DNAH10: variants seen among roughly 807,000 people sequenced by gnomAD.
DNAH10 encodes the protein axonemal beta dynein heavy chain 10.
In DNAH10, 348 loss-of-function variants were observed where a neutral mutation model predicts 506.6. The ratio of observed to expected loss-of-function variants is 0.69; its 90% confidence interval spans 0.63 to 0.75. The LOEUF (loss-of-function observed/expected upper bound fraction) is 0.75, where lower values mean the gene tolerates loss of function less well. Among genes scored for constraint, DNAH10 ranks in the 30% least tolerant of loss-of-function variants. The pLI is 0.00. For missense variants in DNAH10, 5,179 were observed against 5,787.1 expected (o/e 0.89, Z 3.41); for synonymous variants, 2,059 against 2,198.6 (o/e 0.94, Z 1.78).
rs1221876545 is a variant in DNAH10, at chr12:123,931,713, GT to G, written c.12995del (p.Val4332AlafsTer7). ...AGAAATAGAAAACAAGATGCCCAAA[GT>G]CTTTGACTTGGACCAGGTGAGGAAG... ...AKEIENKMPK[V>X]FDLDQVRKRL... On this transcript the variant is annotated frameshift_variant, in exon 75 of 79. Transcript: ENST00000673944. LOFTEE classifies it high-confidence loss of function. The G allele has an allele frequency of 1.9e-6, 3 of 1,613,934 alleles. No individual in the cohort carries two copies. The highest frequency in any genetic ancestry group is 1.3e-5 in the African/African-American group (1 of 74,938).
chr12:123,837,689 C>G (rs1961312635), intron 28 of DNAH10, among the ~76,000 whole-genome samples: 1 of 151,022 alleles, frequency 6.6e-6, no homozygotes, highest in African/African-American at 2.4e-5. Context: ...TGATCCTCGC[C>G]TTGGCCTCCC....
At chr12:123,921,969 C>G (rs995599237) in intron 65 of DNAH10, among the ~76,000 whole-genome samples, 15 of 152,068 alleles carry the variant, frequency 9.9e-5, no homozygotes, top group African/African-American at 3.6e-4. Context: ...CCCACCCCGG[C>G]CTCCCAAAGT....
At chr12:123,859,314 A>T (rs747896695) in intron 38 of DNAH10, 46 bp downstream of exon 38, 1 of 1,451,300 alleles carries the variant, frequency 6.9e-7, no homozygotes. Context: ...ACAGGGGCTC[A>T]CAGTATATGT....
In DNAH10 at chr12:123,848,786, T is replaced by C; in HGVS notation, c.6006T>C (p.Asp2002=). Residue 2002 remains aspartate, a synonymous_variant, in exon 34 of 79, where the codon GAT becomes GAC. Coordinates refer to ENST00000673944, the MANE Select transcript of DNAH10 (RefSeq NM_001372106.1). ...LAQCGAWGCF[D]EFNRIDASVL... ...AGTGCGGGGCTTGGGGCTGCTTTGATGAGTTTAATCGAATCGATGCTTCTG... is the reference window on the plus strand; with the variant it reads ...AGTGCGGGGCTTGGGGCTGCTTTGACGAGTTTAATCGAATCGATGCTTCTG... 2.5e-6 allele frequency: 4 copies of C among 1,613,416 alleles called. No individual in the cohort carries two copies. Among genetic ancestry groups the C allele is most frequent in the Non-Finnish European group, 3.4e-6 (4 of 1,179,370 alleles).
At chr12:123,870,305 A>G (rs1247272234) in intron 43 of DNAH10, 61 bp from the exon 44 acceptor site, 1 of 1,570,406 alleles carries the variant, frequency 6.4e-7, no homozygotes, top group Non-Finnish European at 8.6e-7. Context: ...AGCATGTGCC[A>G]GAACTGCTTT....
rs891082246 is a variant in DNAH10, at chr12:123,897,772, T to C, written c.9283T>C (p.Tyr3095His). The C allele has an allele frequency of 1.9e-6, 3 of 1,606,354 alleles. No homozygotes were observed. The highest frequency in any genetic ancestry group is 1.3e-5 in the African/African-American group (1 of 74,534). The change falls in exon 55 of 79, where the codon TAT becomes CAT. Residue 3095 changes from tyrosine (Y) to histidine (H), a missense_variant and splice_region_variant. Physicochemically the swap from Tyr to His is moderately conservative, Grantham distance 83 (BLOSUM62 2). Coordinates refer to ENST00000673944, the MANE Select transcript of DNAH10 (RefSeq NM_001372106.1). Reference sequence around the variant, plus strand: ...ATTTTTTATTCCTTCCTCTTCAGGGTATAATCCAATGATCCCGGCAGAAAA... The same window carrying C: ...ATTTTTTATTCCTTCCTCTTCAGGGCATAATCCAATGATCCCGGCAGAAAA... ...LHAVAKSFLG[Y>H]NPMIPAENIE...
rs1336191775 is a variant in DNAH10, at chr12:123,846,401, G to C, written c.5814+247G>C. ...TGGTGTGTCAGGGGTATTGGTAGAGGCCAATGCGAAAATGCAGGAATGTCA... is the reference window on the plus strand; with the variant it reads ...TGGTGTGTCAGGGGTATTGGTAGAGCCCAATGCGAAAATGCAGGAATGTCA... On this transcript the variant is annotated intron_variant, in intron 32 of 78. Transcript: ENST00000673944. The surrounding 1 kb of genome is among the most constrained non-coding windows in gnomAD (Gnocchi z 4.5). Among the ~76,000 whole-genome samples, 1 of 152,180 alleles carries C rather than the reference G, an allele frequency of 6.6e-6. No individual in the cohort carries two copies. The highest frequency in any genetic ancestry group is 2.4e-5 in the African/African-American group (1 of 41,434).
At chr12:123,869,270 C>T (rs1464099152) in intron 43 of DNAH10, among the ~76,000 whole-genome samples, 5 of 152,200 alleles carry the variant, frequency 3.3e-5, no homozygotes, top group Non-Finnish European at 7.3e-5. Context: ...ATACTTGCCC[C>T]TTCCCTGCAT....
intron 52 of DNAH10, among the ~76,000 whole-genome samples, chr12:123,889,132 G>A (rs1054633268): frequency 3.9e-5 from 6 of 152,114 alleles, no homozygotes; most frequent in African/African-American, 7.2e-5. Context: ...GCTCTGCCAT[G>A]CGTGTAAACA....
At chr12:123,851,315 G>A (rs1297162810) in intron 35 of DNAH10, among the ~76,000 whole-genome samples, 1 of 151,046 alleles carries the variant, frequency 6.6e-6, no homozygotes, top group Non-Finnish European at 1.5e-5. Context: ...GACCTAGGAT[G>A]TGTTAGCTCC....
Position 123,931,419 on chromosome 12 carries a change from C to A in DNAH10, c.12863C>A (p.Thr4288Lys), listed in dbSNP as rs1438700146. Reference protein sequence around the residue: ...LHPNAEIGYYTQAARDMWAHL... With the variant: ...LHPNAEIGYYKQAARDMWAHL... The stretch of plus-strand genomic sequence containing the variant: ...CCCAACGCTGAGATTGGCTATTACA[C>A]GCAGGCGGCTCGAGACATGTGGGCT... The change falls in exon 74 of 79, where the codon ACG (threonine) becomes AAG (lysine). Residue 4288 changes from threonine to lysine, a missense_variant. Coordinates refer to ENST00000673944, the MANE Select transcript of DNAH10 (RefSeq NM_001372106.1). The A allele has an allele frequency of 6.2e-7, 1 of 1,613,998 alleles. No homozygotes were observed. Among genetic ancestry groups the A allele is most frequent in the Non-Finnish European group, 8.5e-7 (1 of 1,179,896 alleles).
At chr12:123,842,939 A>G (rs891118514) in intron 30 of DNAH10, among the ~76,000 whole-genome samples, 1 of 152,254 alleles carries the variant, frequency 6.6e-6, no homozygotes, top group Non-Finnish European at 1.5e-5. Context: ...GCTAGATGCT[A>G]TTTCAAAACT....
At chr12:123,773,021 G>T (rs1957316274) in intron 4 of DNAH10, 79 bp downstream of exon 4, 2 of 961,084 alleles carry the variant, frequency 2.1e-6, no homozygotes, top group East Asian at 5.0e-5. Context: ...TCATTCTGTT[G>T]TCTTTTTATG....
At chr12:123,867,727 C>T (rs1050411584) in intron 42 of DNAH10, 126 bp downstream of exon 42, 20 of 1,436,228 alleles carry the variant, frequency 1.4e-5, no homozygotes, top group African/African-American at 4.3e-5. Context: ...AGTGCCAAGG[C>T]GGGCGCCGTG....
rs115983698 is a variant in DNAH10 at position 123,772,957 on chromosome 12, C to G, written c.505+15C>G. On this transcript the variant is annotated intron_variant, in intron 4 of 78. Coordinates refer to ENST00000673944, the MANE Select transcript of DNAH10 (RefSeq NM_001372106.1). ...AAATACCAAAGGTACATTTCTGGCA[C>G]GTGTGTGTGTATGTGTGTTGAGGGG... The G allele has an allele frequency of 6.3e-7, 1 of 1,579,360 alleles. No homozygotes were observed. Among genetic ancestry groups the G allele is most frequent in the South Asian group, 1.1e-5 (1 of 89,338 alleles).
At chr12:123,873,823 A>C in intron 46 of DNAH10, 113 bp downstream of exon 46, 3 of 1,382,592 alleles carry the variant, frequency 2.2e-6, no homozygotes, top group Non-Finnish European at 2.9e-6. Context: ...ACCTCTGTGC[A>C]ATGTCTGCAG....
At chr12:123,807,472 A>G (rs921626338) in intron 18 of DNAH10, among the ~76,000 whole-genome samples, 1 of 152,200 alleles carries the variant, frequency 6.6e-6, no homozygotes, top group Non-Finnish European at 1.5e-5. Context: ...ACATTTTAGT[A>G]GAGACCTGAA....
chr12:123,833,085 T>A, intron 26 of DNAH10, 29 bp from the exon 27 acceptor site: 1 of 1,555,672 alleles, frequency 6.4e-7, no homozygotes, highest in East Asian at 2.3e-5. Flanking sequence ...TTCGTGTGCC[T>A]GAATCATTCT....
Position 123,841,455 on chromosome 12 carries a change from A to G in DNAH10, c.5270A>G (p.Asp1757Gly). Residue 1757 changes from aspartate (D) to glycine (G), a missense_variant, in exon 30 of 79, where the codon GAC becomes GGC. Physicochemically the swap from Asp to Gly is moderately conservative, Grantham distance 94. This residue lies in a region of DNAH10 where 4,844 missense variants were observed against 5,430.5 expected (regional missense o/e 0.89). Coordinates refer to ENST00000673944, the MANE Select transcript of DNAH10 (RefSeq NM_001372106.1). Reference sequence around the variant, plus strand: ...TTGCGGGCTGAAGGGCGCGTGGAGGACTGGATGACGGCAGTTTTGAATGAG... The same window carrying G: ...TTGCGGGCTGAAGGGCGCGTGGAGGGCTGGATGACGGCAGTTTTGAATGAG... ...KILRAEGRVE[D>G]WMTAVLNEMR... The G allele has an allele frequency of 2.5e-6, 4 of 1,613,988 alleles. No individual in the cohort carries two copies. The highest frequency in any genetic ancestry group is 3.4e-6 in the Non-Finnish European group (4 of 1,179,886).
Sources: allele counts gnomAD v4.1 joint callset (sites outside exome capture counted in the v4.1 genomes callset), GRCh38; gene constraint gnomAD v4.1.1; regional missense constraint gnomAD v4.1.1; non-coding constraint Gnocchi (gnomAD v3.1); transcripts MANE v1.5; gene names NCBI Gene and HGNC (gene_info 2026-07-23, HGNC 2026-07-21).